AQP5: variants seen among roughly 807,000 people sequenced by gnomAD.
AQP5 encodes the protein aquaporin 5.
Under a neutral mutation model 19.1 loss-of-function variants are expected in AQP5, and 15 were observed. The ratio of observed to expected loss-of-function variants is 0.79; its 90% confidence interval spans 0.53 to 1.21. The LOEUF (loss-of-function observed/expected upper bound fraction) is 1.21. AQP5 is among the 50% of genes most tolerant of loss of function. AQP5 has a pLI of 0.00. For synonymous variants in AQP5, 182 were observed against 160.3 expected, an observed-to-expected ratio of 1.14 and a Z score of -1.02; for missense variants, 355 against 357.1, an observed-to-expected ratio of 0.99 and a Z score of 0.05.
rs296753 is a variant in AQP5, at chr12:49,964,290, C to G, written c.612+115C>G. On this transcript the variant is annotated intron_variant, in intron 3 of 3. Coordinates refer to ENST00000293599, the MANE Select transcript of AQP5 (RefSeq NM_001651.4). Reference sequence around the variant, plus strand: ...GGGTCTAGAGCTTGGGGGTGGGCCACGGAGTGGTGGCTGACAGAGAAAGGG... The same window carrying G: ...GGGTCTAGAGCTTGGGGGTGGGCCAGGGAGTGGTGGCTGACAGAGAAAGGG... 1 allele frequency: 1,151,369 copies of G among 1,154,246 alleles called. 574,297 individuals are homozygous for G. Among genetic ancestry groups the G allele is most frequent in the East Asian group, 1 (40,289 of 40,290 alleles). 71.5% of individuals were successfully genotyped at this position (1,154,246 alleles called of 1,614,324 possible).
rs149160492 is a variant in AQP5 at position 49,965,236 on chromosome 12, A to C, written c.*59A>C. The C allele has an allele frequency of 1.2e-4, 177 of 1,480,646 alleles. No homozygotes were observed. Among genetic ancestry groups the C allele is most frequent in the African/African-American group, 5.0e-4 (35 of 70,578 alleles). 91.7% of individuals were successfully genotyped at this position (1,480,646 alleles called of 1,614,324 possible). On this transcript the variant is annotated 3_prime_UTR_variant, in exon 4 of 4. Transcript: ENST00000293599. ...TGAGCCAAGGGGGAAAAGAAGAAAA[A>C]GTACCTAACACAAGCTTCCTTTTTG...
chr12:49,964,243 G>A (rs1452397934), intron 3 of AQP5, 68 bp downstream of exon 3: 13 of 1,514,024 alleles, frequency 8.6e-6, no homozygotes, highest in Non-Finnish European at 1.2e-5. Flanking sequence ...GCAGCTCAGA[G>A]CTCACCAGAC....
Position 49,961,941 on chromosome 12 carries a change from C to T in AQP5, c.-77C>T. 1 of 997,490 alleles carries T rather than the reference C, an allele frequency of 1.0e-6. No homozygotes were observed. Among genetic ancestry groups the T allele is most frequent in the Non-Finnish European group, 1.3e-6 (1 of 777,762 alleles). The allele number at this position is 997,490 out of a possible 1,614,324, so 61.8% of individuals were successfully genotyped here. On this transcript the variant is annotated 5_prime_UTR_variant, in exon 1 of 4. Coordinates refer to ENST00000293599, the MANE Select transcript of AQP5 (RefSeq NM_001651.4). ...CGCAGCCAGGCCCCCGCCCCCGCCG[C>T]ATCCACCTCCTCCGCCGCCTGCGAC...
chr12:49,962,371 C>T lies in AQP5; in HGVS notation c.354C>T (p.Ala118=), dbSNP rs199766582. ...VAPLNARGNL[A]VNALNNNTTQ... ...CGCTCAATGCCCGGGGCAATCTGGC[C>T]GTCAACGCGGTGAGTGCCCTGGGGG... Residue 118 remains alanine (A), a synonymous_variant, in exon 1 of 4, where the codon GCC becomes GCT. Coordinates refer to ENST00000293599, the MANE Select transcript of AQP5 (RefSeq NM_001651.4). The T allele has an allele frequency of 1.1e-5, 17 of 1,571,850 alleles. No individual in the cohort carries two copies. Among genetic ancestry groups the T allele is most frequent in the African/African-American group, 7.3e-5 (5 of 68,142 alleles).
At position 49,963,560 on chromosome 12, in the gene AQP5, C is replaced by G; in HGVS notation, c.432C>G (p.Leu144=). 1.9e-6 allele frequency: 3 copies of G among 1,613,916 alleles called. No homozygotes were observed. Among genetic ancestry groups the G allele is most frequent in the Non-Finnish European group, 2.5e-6 (3 of 1,180,036 alleles). ...VELILTFQLA[L]CIFASTDSRR... is the part of the protein sequence containing the mutation. ...TGATTCTGACCTTCCAGCTGGCACT[C>G]TGCATCTTCGCCTCCACTGACTCCC... The change falls in exon 2 of 4, where the codon CTC becomes CTG. Residue 144 remains leucine, a synonymous_variant. Transcript: ENST00000293599.
intron 1 of AQP5, 113 bp downstream of exon 1, chr12:49,962,493 T>TCTC (rs1947438712): frequency 9.8e-7 from 1 of 1,016,308 alleles, no homozygotes; most frequent in Non-Finnish European, 1.3e-6. Context: ...CCCACACCCT[T>TCTC]CACCAGGAAG....
In AQP5 at chr12:49,962,026, G is replaced by A; in HGVS notation, c.9G>A (p.Lys3=). The change falls in exon 1 of 4, where the codon AAG becomes AAA. Residue 3 remains lysine, a synonymous_variant. Coordinates refer to ENST00000293599, the MANE Select transcript of AQP5 (RefSeq NM_001651.4). ...GGGCCCCCGCGGCCACCATGAAGAA[G>A]GAGGTGTGCTCCGTGGCCTTCCTCA... MK[K]EVCSVAFLKA... The A allele has an allele frequency of 6.7e-7, 1 of 1,498,038 alleles. No homozygotes were observed. The highest frequency in any genetic ancestry group is 9.0e-7 in the Non-Finnish European group (1 of 1,115,960). 92.8% of individuals were successfully genotyped at this position (1,498,038 alleles called of 1,614,324 possible). A position where few individuals can be genotyped will look rare whatever the true frequency, so the allele number is the denominator to read the frequency against.
rs760857189 is a variant in AQP5 at position 49,963,584 on chromosome 12, C to G, written c.456C>G (p.Ser152=). ...LALCIFASTD[S]RRTSPVGSPA... is the part of the protein sequence containing the mutation. The stretch of plus-strand genomic sequence containing the variant: ...TCTGCATCTTCGCCTCCACTGACTC[C>G]CGCCGCACCAGCCCTGTGGGCTCCC... The change falls in exon 2 of 4, where the codon TCC becomes TCG. Residue 152 remains serine (S), a synonymous_variant. Transcript: ENST00000293599. 1 of 1,613,942 alleles carries G rather than the reference C, an allele frequency of 6.2e-7. No individual in the cohort carries two copies. Among genetic ancestry groups the G allele is most frequent in the South Asian group, 1.1e-5 (1 of 91,086 alleles).
chr12:49,964,563 G>A (rs1406288255), intron 3 of AQP5: 10 of 839,238 alleles, frequency 1.2e-5, no homozygotes, highest in Non-Finnish European at 1.4e-5. Context: ...GTCTTCCTGT[G>A]GGTCTGTCCC....
chr12:49,963,872 G>T, intron 2 of AQP5: 1 of 808,522 alleles, frequency 1.2e-6, no homozygotes. Flanking sequence ...AGGTGGGATG[G>T]GACAGGAATC....
intron 2 of AQP5, chr12:49,963,865 TG>T: frequency 1.2e-6 from 1 of 823,014 alleles, no homozygotes; most frequent in Non-Finnish European, 1.9e-6. Context: ...AAGTAGGAGG[TG>T]GGATGGGACA....
chr12:49,964,718 C>T (rs1947470323), intron 3 of AQP5: 13 of 985,376 alleles, frequency 1.3e-5, no homozygotes, highest in Non-Finnish European at 1.6e-5. Flanking sequence ...TTATTTGCTT[C>T]TCTTTCCGGT....
In AQP5 at chr12:49,965,377, G is replaced by A; in HGVS notation, c.*200G>A. On this transcript the variant is annotated 3_prime_UTR_variant, in exon 4 of 4. Coordinates refer to ENST00000293599, the MANE Select transcript of AQP5 (RefSeq NM_001651.4). ...GGGTAGGGGCCAGGGGCTGGGGTCT[G>A]CTGGGGACAGGTCTCTCTGGGACAG... 2 of 604,414 alleles carry A rather than the reference G, an allele frequency of 3.3e-6. No individual in the cohort carries two copies. The highest frequency in any genetic ancestry group is 5.6e-6 in the Non-Finnish European group (2 of 358,424). 37.4% of individuals were successfully genotyped at this position (604,414 alleles called of 1,614,324 possible).
In AQP5 at chr12:49,962,412, G is replaced by A. The variant is rs139810179; in HGVS notation, c.363+32G>A. ...GCCCTGGGGGGGGGGTGGGAGCCTC[G>A]ACCCTGGGGTGGGCTCAGGACCAGG... is the stretch of plus-strand genomic sequence containing the variant. On this transcript the variant is annotated intron_variant, in intron 1 of 3. Coordinates refer to ENST00000293599, the MANE Select transcript of AQP5 (RefSeq NM_001651.4). 1,529 of 1,443,658 alleles carry A rather than the reference G, an allele frequency of 1.1e-3. 18 individuals are homozygous for A. The African/African-American group carries it at 0.021, about 19-fold the overall frequency. The allele number at this position is 1,443,658 out of a possible 1,614,324, so 89.4% of individuals were successfully genotyped here.
intron 3 of AQP5, 74 bp from the exon 4 acceptor site, chr12:49,964,918 C>T: frequency 6.5e-7 from 1 of 1,549,762 alleles, no homozygotes; most frequent in South Asian, 1.3e-5. Context: ...TGGGTCTGTC[C>T]TCTGTGGGGT....
At position 49,963,555 on chromosome 12, in the gene AQP5, G is replaced by A; in HGVS notation, c.427G>A (p.Ala143Thr). 1 of 1,613,910 alleles carries A rather than the reference G, an allele frequency of 6.2e-7. No individual in the cohort carries two copies. The change falls in exon 2 of 4, where the codon GCA becomes ACA. Residue 143 changes from alanine (A) to threonine (T), a missense_variant. Physicochemically the swap from Ala to Thr is moderately conservative, Grantham distance 58. Coordinates refer to ENST00000293599, the MANE Select transcript of AQP5 (RefSeq NM_001651.4). ...VVELILTFQL[A>T]LCIFASTDSR... is the part of the protein sequence containing the mutation. ...GGAGCTGATTCTGACCTTCCAGCTG[G>A]CACTCTGCATCTTCGCCTCCACTGA...
At position 49,962,390 on chromosome 12, in the gene AQP5, C is replaced by G. The variant is rs1555166057; in HGVS notation, c.363+10C>G. On this transcript the variant is annotated intron_variant, in intron 1 of 3. Transcript: ENST00000293599. ...TCTGGCCGTCAACGCGGTGAGTGCC[C>G]TGGGGGGGGGGTGGGAGCCTCGACC... 1.4e-6 allele frequency: 2 copies of G among 1,380,026 alleles called. No homozygotes were observed. The highest frequency in any genetic ancestry group is 3.0e-5 in the African/African-American group (1 of 33,258). 85.5% of individuals were successfully genotyped at this position (1,380,026 alleles called of 1,614,324 possible). A position where few individuals can be genotyped will look rare whatever the true frequency, so the allele number is the denominator to read the frequency against.
chr12:49,962,495 A>ACCAGGAAGGCAAAAGCCTCCCAAGG, intron 1 of AQP5, 115 bp downstream of exon 1: 1 of 1,014,540 alleles, frequency 9.9e-7, no homozygotes, highest in Admixed American at 3.7e-5. Flanking sequence ...CACACCCTTC[A>ACCAGGAAGGCAAAAGCCTCCCAAGG]CCAGGAAGGC....
chr12:49,962,154 C>T lies in AQP5; in HGVS notation c.137C>T (p.Ala46Val), dbSNP rs199524477. 7 of 1,612,690 alleles carry T rather than the reference C, an allele frequency of 4.3e-6. No homozygotes were observed. The highest frequency in any genetic ancestry group is 4.2e-6 in the Non-Finnish European group (5 of 1,179,832). Residue 46 changes from alanine (A) to valine (V), a missense_variant, in exon 1 of 4, where the codon GCG (alanine) becomes GTG (valine). Transcript: ENST00000293599. ...GCGCTGCCTACCATCCTGCAGATCG[C>T]GCTGGCGTTTGGCCTGGCCATAGGC... ...PSALPTILQI[A>V]LAFGLAIGTL...
Sources: gnomAD v4.1 joint callset for allele counts on GRCh38, gnomAD v4.1.1 for gene constraint, MANE v1.5 for transcripts, NCBI Gene and HGNC (gene_info 2026-07-23, HGNC 2026-07-21) for gene names.